The following MEGF11 variants were observed in gnomAD, a reference collection of about 807,000 sequenced individuals.
MEGF11 encodes multiple epidermal growth factor-like domains protein 11.
Under a neutral mutation model 146.6 loss-of-function variants are expected in MEGF11, and 126 were observed. The ratio of observed to expected loss-of-function variants is 0.86; its 90% CI spans 0.74 to 1.00. The LOEUF (loss-of-function observed/expected upper bound fraction) is 1.00. MEGF11 is among the 50% of genes least tolerant of loss of function. MEGF11 has a pLI of 0.00. For synonymous variants in MEGF11, 532 were observed against 583.4 expected (o/e 0.91, Z 1.27); for missense variants, 1,509 against 1,521.2 (o/e 0.99, Z 0.13).
At chr15:66,109,106 A>G (rs1010428302) in intron 4 of MEGF11, among the ~76,000 whole-genome samples, 3 of 152,160 alleles carry the variant, frequency 2.0e-5, no homozygotes, top group African/African-American at 7.2e-5. Flanking sequence ...CTGCCAGAGA[A>G]AGCTAGAGCT....
At chr15:66,112,238 TA>T (rs1410972132) in intron 4 of MEGF11, among the ~76,000 whole-genome samples, 2 of 151,904 alleles carry the variant, frequency 1.3e-5, no homozygotes, top group African/African-American at 4.8e-5. Flanking sequence ...GAAATATGTT[TA>T]AAATAATTAA....
Position 65,951,719 on chromosome 15 carries a change from C to A in MEGF11, c.1287+5828G>T, listed in dbSNP as rs1324808057. 2.7e-5 allele frequency among the ~76,000 whole-genome samples: 4 copies of A among 150,490 alleles called. No individual in the cohort carries two copies. In the South Asian group the frequency reaches 6.3e-4, roughly 24 times the overall value. On this transcript the variant is annotated intron_variant, in intron 10 of 25. Transcript: ENST00000395614. ...ACAAACAAACAAACAAACAAAAAAACCCCAACAAAGTAGGCTTGTACAATA... is the reference window on the plus strand; with the variant it reads ...ACAAACAAACAAACAAACAAAAAAAACCCAACAAAGTAGGCTTGTACAATA...
chr15:66,114,558 GAA>G (rs1231011075), intron 4 of MEGF11, among the ~76,000 whole-genome samples: 3 of 152,216 alleles, frequency 2.0e-5, no homozygotes, highest in Non-Finnish European at 1.5e-5. Flanking sequence ...CTACATATGT[GAA>G]AGTCTGCTTC....
chr15:66,103,584 G>A (rs942765571), intron 4 of MEGF11, among the ~76,000 whole-genome samples: 5 of 152,312 alleles, frequency 3.3e-5, no homozygotes, highest in African/African-American at 1.2e-4. Flanking sequence ...GAGGATGGGA[G>A]AGGAGAAGGC....
chr15:66,191,919 CA>C (rs946003246), intron 1 of MEGF11, among the ~76,000 whole-genome samples: 3 of 149,784 alleles, frequency 2.0e-5, no homozygotes, highest in Non-Finnish European at 3.0e-5. Flanking sequence ...ACTAAAAATA[CA>C]AAAAAAAATT....
intron 1 of MEGF11, among the ~76,000 whole-genome samples, chr15:66,137,561 T>TTC (rs909229466): frequency 1.4e-4 from 20 of 148,098 alleles, no homozygotes; most frequent in Non-Finnish European, 2.3e-4. Flanking sequence ...CTTTCTTTCT[T>TTC]TTTTTTTTTT....
chr15:66,055,883 A>G (rs2084655293), intron 5 of MEGF11, among the ~76,000 whole-genome samples: 1 of 152,204 alleles, frequency 6.6e-6, no homozygotes, highest in African/African-American at 2.4e-5. Flanking sequence ...AGGATAAAAA[A>G]GAAGCCCCGA....
chr15:66,128,177 C>T lies in MEGF11; in HGVS notation c.98+129G>A, dbSNP rs1337538463. 1.3e-5 allele frequency: 7 copies of T among 520,220 alleles called. No individual in the cohort carries two copies. The South Asian group carries it at 2.4e-4, about 18-fold the overall frequency. 32.2% of individuals were successfully genotyped at this position (520,220 alleles called of 1,614,324 possible). A position where few individuals can be genotyped will look rare whatever the true frequency, so the allele number is the denominator to read the frequency against. ...TCTGTCCTGTCTCTCAGCATGTGGG[C>T]CATCTCCCCAGCCAGGCTGCAGACC... On this transcript the variant is annotated intron_variant, in intron 2 of 25. Coordinates refer to ENST00000395614, the MANE Select transcript of MEGF11 (RefSeq NM_001385028.1).
intron 5 of MEGF11, among the ~76,000 whole-genome samples, chr15:66,013,659 T>C (rs948473135): frequency 2.0e-5 from 3 of 152,160 alleles, no homozygotes; most frequent in Non-Finnish European, 4.4e-5. Context: ...CCCATCATGA[T>C]TCTTTTGAAG....
At chr15:66,050,164 ATCC>A (rs1399693185) in intron 5 of MEGF11, among the ~76,000 whole-genome samples, 3 of 152,208 alleles carry the variant, frequency 2.0e-5, no homozygotes, top group Non-Finnish European at 4.4e-5. Context: ...GGCTCAAGCA[ATCC>A]TCCTGTCTCA....
chr15:66,128,279 C>T (rs1349602199), intron 2 of MEGF11, 27 bp downstream of exon 2: 2 of 1,425,036 alleles, frequency 1.4e-6, no homozygotes, highest in Admixed American at 2.7e-5. Flanking sequence ...CCAGAGAGTG[C>T]CTGGCCATCT....
At chr15:66,097,752 C>CAA (rs59635353) in intron 4 of MEGF11, among the ~76,000 whole-genome samples, 2,281 of 138,922 alleles carry the variant, frequency 0.016, 44 homozygotes, top group East Asian at 0.086. Context: ...CAAAAAACTA[C>CAA]AAAAAAAAAA....
chr15:66,188,425 C>T (rs2090771874), intron 1 of MEGF11, among the ~76,000 whole-genome samples: 1 of 152,106 alleles, frequency 6.6e-6, no homozygotes, highest in African/African-American at 2.4e-5. Flanking sequence ...GGTTACAGCC[C>T]TCTCTATGTC....
intron 20 of MEGF11, among the ~76,000 whole-genome samples, chr15:65,912,949 G>A (rs1438446429): frequency 6.6e-6 from 1 of 152,192 alleles, no homozygotes; most frequent in Admixed American, 6.5e-5. Flanking sequence ...CCTGGAGAGA[G>A]CTGTCACCTT....
rs1306453749 is a variant in MEGF11, at chr15:65,970,700, GGT to G, written c.763-13_763-12del. ...GGCACACACTGCTCCCTAAAAGAAA[GGT>G]GGGAAGACATGCATGGCGGTGCTCC... On this transcript the variant is annotated splice_polypyrimidine_tract_variant and intron_variant, in intron 7 of 25. Coordinates refer to ENST00000395614, the MANE Select transcript of MEGF11 (RefSeq NM_001385028.1). 2.5e-6 allele frequency: 4 copies of G among 1,605,698 alleles called. No individual in the cohort carries two copies. The highest frequency in any genetic ancestry group is 3.4e-5 in the Admixed American group (2 of 58,718).
chr15:65,959,778 A>G (rs1189147347), intron 9 of MEGF11, among the ~76,000 whole-genome samples: 2 of 152,196 alleles, frequency 1.3e-5, no homozygotes, highest in African/African-American at 4.8e-5. Context: ...CTAATCGTCA[A>G]ATAAGCCTGT....
intron 3 of MEGF11, 104 bp downstream of exon 3, chr15:66,123,795 G>T (rs1381383051): frequency 1.2e-6 from 1 of 865,816 alleles, no homozygotes; most frequent in Non-Finnish European, 1.9e-6. Flanking sequence ...GAGTGGAGGC[G>T]CGTGACAACA....
intron 7 of MEGF11, among the ~76,000 whole-genome samples, chr15:65,979,355 C>A (rs536357847): frequency 6.6e-6 from 1 of 152,286 alleles, no homozygotes; most frequent in South Asian, 2.1e-4. Flanking sequence ...TCCTTTCCTG[C>A]CCTAAAAAAA....
Position 65,975,366 on chromosome 15 carries a change from TAC to T in MEGF11, c.763-4679_763-4678del, listed in dbSNP as rs1225303802. The stretch of plus-strand genomic sequence containing the variant: ...CTCTGAGGTCAATAGAGAAGTCTGG[TAC>T]GTAGAATGCATCCTTCCGGCATTCC... On this transcript the variant is annotated intron_variant, in intron 7 of 25. Transcript: ENST00000395614. Among the ~76,000 whole-genome samples the T allele has an allele frequency of 9.8e-5, 15 of 152,286 alleles. No homozygotes were observed. The East Asian group carries it at 2.7e-3, about 27-fold the overall frequency.
Sources: allele counts gnomAD v4.1 joint callset (sites outside exome capture counted in the v4.1 genomes callset), GRCh38; gene constraint gnomAD v4.1.1; transcripts MANE v1.5; gene names NCBI Gene and HGNC (gene_info 2026-07-23, HGNC 2026-07-21).